Variants in KIAA1217 observed in about 807,000 individuals in gnomAD.
The protein encoded by KIAA1217 is KIAA1217.
KIAA1217 carries 88 observed loss-of-function variants against 163.9 expected under a neutral mutation model. The observed-to-expected ratio is 0.54, with a 90% CI of 0.45 to 0.64. The LOEUF is 0.64. KIAA1217 is among the 30% of genes least tolerant of loss of function. The probability of loss-of-function intolerance (pLI) is 0.00; values close to 1 mark genes in which losing one functional copy is unlikely to be tolerated. For missense variants in KIAA1217, 2,372 were observed against 2,475.0 expected (o/e 0.96, Z 0.88); for synonymous variants, 903 against 923.1 (o/e 0.98, Z 0.39).
At chr10:24,299,387 A>C (rs945461872) in intron 2 of KIAA1217, among the ~76,000 whole-genome samples, 1 of 152,122 alleles carries the variant, frequency 6.6e-6, no homozygotes, top group African/African-American at 2.4e-5. Context: ...TTCTCATGGC[A>C]ACGTAAGTGC....
intron 2 of KIAA1217, among the ~76,000 whole-genome samples, chr10:24,289,883 G>A (rs934835787): frequency 1.8e-4 from 27 of 152,150 alleles, no homozygotes; most frequent in African/African-American, 6.3e-4. Flanking sequence ...ATGGGCAAGT[G>A]CTAGATCATG....
chr10:23,917,918 A>G (rs931118978), intron 1 of KIAA1217, among the ~76,000 whole-genome samples: 1 of 152,190 alleles, frequency 6.6e-6, no homozygotes, highest in Admixed American at 6.5e-5. Flanking sequence ...GTATGTTCGT[A>G]TAGAGAGATG....
At chr10:23,799,628 C>A (rs1289000778) in intron 1 of KIAA1217, among the ~76,000 whole-genome samples, 1 of 152,174 alleles carries the variant, frequency 6.6e-6, no homozygotes, top group African/African-American at 2.4e-5. Flanking sequence ...TTAGGACCTA[C>A]TAATTAATTT....
At chr10:23,728,842 G>A (rs926808992) in intron 1 of KIAA1217, among the ~76,000 whole-genome samples, 2 of 152,122 alleles carry the variant, frequency 1.3e-5, no homozygotes, top group South Asian at 2.1e-4. Context: ...GACAAGCACA[G>A]CCTCTGCAGT....
intron 2 of KIAA1217, among the ~76,000 whole-genome samples, chr10:24,242,963 A>C (rs2073289025): frequency 6.6e-6 from 1 of 152,000 alleles, no homozygotes; most frequent in African/African-American, 2.4e-5. Flanking sequence ...TAAGTTCTTT[A>C]CATATTCTGG....
chr10:24,447,746 A>G (rs966775049), intron 5 of KIAA1217, among the ~76,000 whole-genome samples: 5 of 152,358 alleles, frequency 3.3e-5, no homozygotes, highest in Non-Finnish European at 7.3e-5. Context: ...CTTATAGCAC[A>G]TTACCTAATG....
chr10:23,980,525 C>A (rs567864077), intron 1 of KIAA1217, among the ~76,000 whole-genome samples: 13 of 152,182 alleles, frequency 8.5e-5, no homozygotes, highest in Non-Finnish European at 1.5e-4. Context: ...CTTGGATCAC[C>A]AGGAGAGTGT....
In KIAA1217 at chr10:24,436,575, A is replaced by G. The variant is rs527840018; in HGVS notation, c.753-1811A>G. 1.8e-3 allele frequency among the ~76,000 whole-genome samples: 275 copies of G among 151,662 alleles called. 1 individual carries two copies. The highest frequency in any genetic ancestry group is 5.0e-3 in the South Asian group (24 of 4,786). On this transcript the variant is annotated intron_variant, in intron 4 of 20. Coordinates refer to ENST00000376454, the MANE Select transcript of KIAA1217 (RefSeq NM_019590.5). ...AGATCGAGACCATCCTGGTTAACAC[A>G]GTGAAAACCCGTCTCTACGGAAAAT...
At chr10:23,878,224 C>A (rs971952361) in intron 1 of KIAA1217, among the ~76,000 whole-genome samples, 1 of 151,980 alleles carries the variant, frequency 6.6e-6, no homozygotes. Flanking sequence ...AGAGCACATT[C>A]TTTATGGAGG....
At chr10:24,497,789 A>G (rs1272037666) in intron 8 of KIAA1217, among the ~76,000 whole-genome samples, 6 of 143,342 alleles carry the variant, frequency 4.2e-5, no homozygotes, top group Non-Finnish European at 9.2e-5. Context: ...ACTGGCTACA[A>G]TTAGGCCCGT....
In KIAA1217 at chr10:24,543,214, A is replaced by T. The variant is rs559257136; in HGVS notation, c.3944A>T (p.Asp1315Val). 1.2e-6 allele frequency: 2 copies of T among 1,613,882 alleles called. No homozygotes were observed. Among genetic ancestry groups the T allele is most frequent in the Non-Finnish European group, 8.5e-7 (1 of 1,180,014 alleles). Reference protein sequence around the residue: ...KTKEMEKQNTDKCHVSSHTRL... With the variant: ...KTKEMEKQNTVKCHVSSHTRL... ...AAGGAGATGGAAAAGCAAAATACGG[A>T]TAAGTGTCACGTTTCCTCTCACACT... is the stretch of plus-strand genomic sequence containing the variant. The change falls in exon 19 of 21, where the codon GAT becomes GTT. Residue 1315 changes from aspartate (D) to valine (V), a missense_variant. Asp to Val is a radical substitution (Grantham distance 152). Transcript: ENST00000376454.
chr10:24,036,871 A>G (rs1329291513), intron 2 of KIAA1217, among the ~76,000 whole-genome samples: 1 of 152,196 alleles, frequency 6.6e-6, no homozygotes, highest in Non-Finnish European at 1.5e-5. Context: ...AGGGACACAC[A>G]TCCAAACTAA....
chr10:23,816,369 T>C (rs1454261320), intron 1 of KIAA1217, among the ~76,000 whole-genome samples: 1 of 152,148 alleles, frequency 6.6e-6, no homozygotes, highest in African/African-American at 2.4e-5. Flanking sequence ...CTCGGCTCAC[T>C]GCAACCTCCA....
At chr10:23,740,621 A>G (rs534333667) in intron 1 of KIAA1217, among the ~76,000 whole-genome samples, 5 of 152,198 alleles carry the variant, frequency 3.3e-5, no homozygotes, top group Admixed American at 3.3e-4. Context: ...TGGCCTCCCA[A>G]GGTGCTGTGA....
intron 2 of KIAA1217, among the ~76,000 whole-genome samples, chr10:24,040,916 G>T (rs1445398472): frequency 1.3e-5 from 2 of 152,194 alleles, no homozygotes. Context: ...AACTCTACAT[G>T]GCAAAAATTA....
intron 1 of KIAA1217, among the ~76,000 whole-genome samples, chr10:23,939,925 A>C (rs1175416134): frequency 2.7e-5 from 4 of 149,658 alleles, no homozygotes; most frequent in Non-Finnish European, 5.9e-5. Context: ...TGTTTAGTAA[A>C]TATGACACAT....
chr10:23,862,325 G>A (rs1252392097), intron 1 of KIAA1217, among the ~76,000 whole-genome samples: 4 of 152,208 alleles, frequency 2.6e-5, no homozygotes, highest in South Asian at 2.1e-4. Flanking sequence ...TGCCTGTTGT[G>A]CATTTCTAAG....
chr10:24,453,869 T>A (rs1186746804), intron 5 of KIAA1217, among the ~76,000 whole-genome samples: 1 of 152,164 alleles, frequency 6.6e-6, no homozygotes, highest in African/African-American at 2.4e-5. Context: ...TAGTCACGAC[T>A]AAGGAGAGAA....
chr10:23,911,317 G>A (rs1006557676), intron 1 of KIAA1217, among the ~76,000 whole-genome samples: 6 of 152,136 alleles, frequency 3.9e-5, no homozygotes, highest in African/African-American at 1.4e-4. Flanking sequence ...ATCCCTTTGA[G>A]ATACTAGGAT....
Sources: allele counts gnomAD v4.1 joint callset (sites outside exome capture counted in the v4.1 genomes callset), GRCh38; gene constraint gnomAD v4.1.1; transcripts MANE v1.5; gene names NCBI Gene and HGNC (gene_info 2026-07-23, HGNC 2026-07-21).